The following VGLL3 variants were observed in gnomAD, a reference collection of about 807,000 sequenced individuals.
The protein encoded by VGLL3 is vestigial like family member 3.
VGLL3 carries 18 observed loss-of-function variants against 29.2 expected under a neutral mutation model. That is an observed-to-expected ratio of 0.62 (90% CI 0.43 to 0.91). The LOEUF is 0.91. VGLL3 is among the 40% of genes least tolerant of loss of function. The pLI, the probability that VGLL3 is intolerant of heterozygous loss-of-function variation, is 0.00. For missense variants in VGLL3, 440 were observed against 413.2 expected, an observed-to-expected ratio of 1.06 and a Z score of -0.56; for synonymous variants, 180 against 151.8, an observed-to-expected ratio of 1.19 and a Z score of -1.36.
intron 3 of VGLL3, among the ~76,000 whole-genome samples, chr3:86,957,465 G>A (rs934786464): frequency 1.3e-5 from 2 of 152,154 alleles, no homozygotes; most frequent in Non-Finnish European, 2.9e-5. Context: ...AACCATGAGA[G>A]TTTTCATTCT....
At chr3:86,982,291 C>G (rs997955484) in intron 1 of VGLL3, among the ~76,000 whole-genome samples, 1 of 151,974 alleles carries the variant, frequency 6.6e-6, no homozygotes, top group Non-Finnish European at 1.5e-5. Context: ...ATTACAGGTG[C>G]CTGCCACGAT....
intron 3 of VGLL3, among the ~76,000 whole-genome samples, chr3:86,966,773 GTA>G (rs55986686): frequency 0.024 from 907 of 37,754 alleles, 2 homozygotes; most frequent in Middle Eastern, 0.056. Context: ...GTGTGTGTGT[GTA>G]TATATATATA....
chr3:86,956,897 T>C (rs1373976828), intron 3 of VGLL3, among the ~76,000 whole-genome samples: 1 of 151,922 alleles, frequency 6.6e-6, no homozygotes, highest in Non-Finnish European at 1.5e-5. Context: ...AACTCCTTCA[T>C]AAAATTAATG....
At chr3:86,962,505 TATA>T in intron 3 of VGLL3, 1 of 985,288 alleles carries the variant, frequency 1.0e-6, no homozygotes, top group Non-Finnish European at 1.2e-6. Context: ...CAAACTCTAC[TATA>T]ATATGTTGTA....
At chr3:86,980,645 C>T (rs945762792) in intron 1 of VGLL3, among the ~76,000 whole-genome samples, 4 of 152,012 alleles carry the variant, frequency 2.6e-5, no homozygotes, top group South Asian at 2.1e-4. Context: ...ATGAGGGAAT[C>T]GAACTAAATA....
intron 1 of VGLL3, 153 bp downstream of exon 1, chr3:86,990,465 T>A: frequency 1.0e-6 from 1 of 976,026 alleles, no homozygotes; most frequent in Non-Finnish European, 1.2e-6. Context: ...CCTTCCCGGC[T>A]CTCTCGGGAT....
intron 1 of VGLL3, among the ~76,000 whole-genome samples, chr3:86,982,464 T>A (rs1293216074): frequency 6.6e-6 from 1 of 151,766 alleles, no homozygotes; most frequent in Non-Finnish European, 1.5e-5. Flanking sequence ...TTTTTTTTTT[T>A]AACTAAGTAT....
rs1177409323 is a variant in VGLL3, at chr3:86,946,740, A to G, written c.*284T>C. On this transcript the variant is annotated 3_prime_UTR_variant, in exon 4 of 4. Transcript: ENST00000398399. ...CTAAAAAAAAAAATCAAAATGAAAC[A>G]AAAACTTAGCTATATATTGATAAAA... 6.9e-6 allele frequency: 2 copies of G among 288,780 alleles called. No homozygotes were observed. The highest frequency in any genetic ancestry group is 6.4e-6 in the Non-Finnish European group (1 of 156,420). The allele number at this position is 288,780 out of a possible 1,614,324, so 17.9% of individuals were successfully genotyped here.
At chr3:86,983,524 T>C (rs1018431682) in intron 1 of VGLL3, among the ~76,000 whole-genome samples, 5 of 152,112 alleles carry the variant, frequency 3.3e-5, no homozygotes, top group African/African-American at 1.2e-4. Flanking sequence ...GGACTACAGG[T>C]GTGTGCCACC....
chr3:86,953,693 T>C (rs1053595280), intron 3 of VGLL3, among the ~76,000 whole-genome samples: 3 of 152,188 alleles, frequency 2.0e-5, no homozygotes, highest in African/African-American at 7.2e-5. Flanking sequence ...TGTCCGATTA[T>C]GGCATTTATT....
At chr3:86,979,775 G>A (rs536062115) in intron 1 of VGLL3, among the ~76,000 whole-genome samples, 10 of 152,098 alleles carry the variant, frequency 6.6e-5, no homozygotes, top group Non-Finnish European at 1.3e-4. Flanking sequence ...AGACATGTGT[G>A]TGCATATATA....
chr3:86,969,098 C>A lies in VGLL3; in HGVS notation c.429G>T (p.Arg143=). 1 of 1,604,584 alleles carries A rather than the reference C, an allele frequency of 6.2e-7. No homozygotes were observed. Among genetic ancestry groups the A allele is most frequent in the Non-Finnish European group, 8.5e-7 (1 of 1,173,808 alleles). ...TCCAAAAGGAAGTTGGGAAACTATT[C>A]CGCTGGCTTGAGAGAGCTGAGCTGT... ...WRDSSALSSQ[R]NSFPTSFWTS... Residue 143 remains arginine (R), a synonymous_variant, in exon 3 of 4, where the codon CGG becomes CGT. Transcript: ENST00000398399.
intron 2 of VGLL3, among the ~76,000 whole-genome samples, chr3:86,970,514 C>CACAT (rs1332160539): frequency 6.2e-5 from 9 of 145,082 alleles, no homozygotes; most frequent in Non-Finnish European, 1.1e-4. Flanking sequence ...CACACACACA[C>CACAT]ACACACATAT....
At chr3:86,986,089 C>T (rs921662228) in intron 1 of VGLL3, among the ~76,000 whole-genome samples, 1 of 151,980 alleles carries the variant, frequency 6.6e-6, no homozygotes, top group Non-Finnish European at 1.5e-5. Flanking sequence ...AGCCCAGCTT[C>T]TTCTTCAGTA....
chr3:86,947,774 G>C (rs1704536146), intron 3 of VGLL3, among the ~76,000 whole-genome samples: 1 of 152,058 alleles, frequency 6.6e-6, no homozygotes, highest in Non-Finnish European at 1.5e-5. Flanking sequence ...GGTATACATT[G>C]ATTAATAGGA....
At position 86,978,765 on chromosome 3, in the gene VGLL3, A is replaced by T; in HGVS notation, c.164T>A (p.Leu55Gln). 1 of 1,613,470 alleles carries T rather than the reference A, an allele frequency of 6.2e-7. No homozygotes were observed. Among genetic ancestry groups the T allele is most frequent in the Non-Finnish European group, 8.5e-7 (1 of 1,179,670 alleles). Residue 55 changes from leucine to glutamine, a missense_variant, in exon 2 of 4, where the codon CTG becomes CAG. Leu to Gln is a moderately radical substitution (Grantham distance 113). Transcript: ENST00000398399. Reference sequence around the variant, plus strand: ...TTGTTTGCTGGGAAGGGTGACTTCCAGAGAGTCCTGCATCTTGCTGAATAC... The same window carrying T: ...TTGTTTGCTGGGAAGGGTGACTTCCTGAGAGTCCTGCATCTTGCTGAATAC... ...LAVFSKMQDS[L>Q]EVTLPSKQEE...
chr3:86,956,792 C>CAA (rs55781336), intron 3 of VGLL3, among the ~76,000 whole-genome samples: 45 of 90,776 alleles, frequency 5.0e-4, no homozygotes, highest in South Asian at 1.4e-3. Context: ...CCCACCGTCC[C>CAA]AAAAAAAAAA....
chr3:86,989,149 A>G lies in VGLL3; in HGVS notation c.126+1469T>C, dbSNP rs117470528. Reference sequence around the variant, plus strand: ...TTAATTTCACAACCCTAAAAAATAAAGCCATATTTGAAACAACTTCTACTA... The same window carrying G: ...TTAATTTCACAACCCTAAAAAATAAGGCCATATTTGAAACAACTTCTACTA... On this transcript the variant is annotated intron_variant, in intron 1 of 3. Coordinates refer to ENST00000398399, the MANE Select transcript of VGLL3 (RefSeq NM_016206.4). Among the ~76,000 whole-genome samples, 146 of 152,358 alleles carry G rather than the reference A, an allele frequency of 9.6e-4. 2 individuals carry two copies. The East Asian group carries it at 0.027, about 28-fold the overall frequency.
intron 3 of VGLL3, among the ~76,000 whole-genome samples, chr3:86,959,436 G>A (rs1045108839): frequency 2.0e-5 from 3 of 152,130 alleles, no homozygotes; most frequent in African/African-American, 7.2e-5. Flanking sequence ...GAGAAGAAGT[G>A]AAGTAGAAGG....
Sources: allele counts gnomAD v4.1 joint callset (sites outside exome capture counted in the v4.1 genomes callset), GRCh38; gene constraint gnomAD v4.1.1; transcripts MANE v1.5; gene names NCBI Gene and HGNC (gene_info 2026-07-23, HGNC 2026-07-21).